Variants in ENTHD1 observed in about 807,000 individuals in gnomAD.
ENTHD1 encodes the protein ENTH domain-containing protein 1.
In ENTHD1, 23 loss-of-function variants were observed where a neutral mutation model predicts 39.1. The ratio of observed to expected loss-of-function variants is 0.59; its 90% CI spans 0.42 to 0.83. The LOEUF is 0.83. Among genes scored for constraint, ENTHD1 ranks in the 40% least tolerant of loss-of-function variants. The pLI is 0.00. For missense variants in ENTHD1, 624 were observed against 705.4 expected, an observed-to-expected ratio of 0.88 and a Z score of 1.31; for synonymous variants, 230 against 258.2, an observed-to-expected ratio of 0.89 and a Z score of 1.05.
At chr22:39,774,988 T>A (rs866772237) in intron 5 of ENTHD1, among the ~76,000 whole-genome samples, 122 of 152,212 alleles carry the variant, frequency 8.0e-4, no homozygotes, top group African/African-American at 2.9e-3. Context: ...CAAAAATGGT[T>A]TCATTCTTCA....
At chr22:39,875,676 C>T (rs1195857949) in intron 2 of ENTHD1, 37 of 1,611,908 alleles carry the variant, frequency 2.3e-5, no homozygotes, top group African/African-American at 6.7e-5. Flanking sequence ...GCATATGCTG[C>T]CAAGAATGCC....
intron 3 of ENTHD1, among the ~76,000 whole-genome samples, chr22:39,840,080 CA>C (rs1289958011): frequency 2.0e-5 from 3 of 152,184 alleles, no homozygotes; most frequent in Non-Finnish European, 4.4e-5. Flanking sequence ...TGGATTTTCA[CA>C]AGCAAGTAGG....
At chr22:39,881,774 A>C (rs1347779809) in intron 2 of ENTHD1, among the ~76,000 whole-genome samples, 1 of 152,200 alleles carries the variant, frequency 6.6e-6, no homozygotes, top group Non-Finnish European at 1.5e-5. Flanking sequence ...CTGCTTTTTT[A>C]TAACTAGGGT....
chr22:39,883,081 T>C (rs2066352953), intron 2 of ENTHD1, among the ~76,000 whole-genome samples: 1 of 151,278 alleles, frequency 6.6e-6, no homozygotes, highest in Non-Finnish European at 1.5e-5. Context: ...TATTTTCCCC[T>C]AATGGAATCT....
intron 3 of ENTHD1, among the ~76,000 whole-genome samples, chr22:39,841,804 G>A (rs191329555): frequency 2.0e-5 from 3 of 151,930 alleles, no homozygotes; most frequent in African/African-American, 4.8e-5. Flanking sequence ...TATTTTGCTC[G>A]TTAGTTGATG....
chr22:39,750,050 TAGAG>T (rs2146533031), intron 6 of ENTHD1: 1 of 164,110 alleles, frequency 6.1e-6, no homozygotes, highest in East Asian at 1.7e-4. Context: ...GGCCAGCTTT[TAGAG>T]AAAGGTACCA....
intron 5 of ENTHD1, among the ~76,000 whole-genome samples, chr22:39,797,459 C>A (rs759204212): frequency 1.2e-4 from 19 of 152,132 alleles, no homozygotes; most frequent in Non-Finnish European, 2.2e-4. Context: ...TTGTTTATCA[C>A]TGTAGTTGGG....
intron 2 of ENTHD1, chr22:39,875,700 T>C (rs2066283493): frequency 1.9e-6 from 3 of 1,612,570 alleles, no homozygotes; most frequent in Non-Finnish European, 2.5e-6. Context: ...ACCCAGTTCG[T>C]TTCCAGCATG....
chr22:39,885,962 C>T (rs1332940543), intron 2 of ENTHD1, among the ~76,000 whole-genome samples: 1 of 151,830 alleles, frequency 6.6e-6, no homozygotes, highest in East Asian at 1.9e-4. Flanking sequence ...GTTATAGTTA[C>T]AATTCTAAAA....
chr22:39,746,826 C>T (rs2065109432), intron 6 of ENTHD1, among the ~76,000 whole-genome samples: 1 of 152,174 alleles, frequency 6.6e-6, no homozygotes, highest in Non-Finnish European at 1.5e-5. Context: ...AGTGCCCACA[C>T]TTGTAACTCT....
chr22:39,774,885 C>T (rs62228532), intron 5 of ENTHD1, among the ~76,000 whole-genome samples: 29 of 152,246 alleles, frequency 1.9e-4, no homozygotes, highest in African/African-American at 6.0e-4. Context: ...AGATTCACGT[C>T]CCTTAAAAAA....
chr22:39,804,476 T>G (rs1387920207), intron 5 of ENTHD1, among the ~76,000 whole-genome samples: 33 of 150,536 alleles, frequency 2.2e-4, no homozygotes, highest in Admixed American at 2.1e-3. Flanking sequence ...AAAAAAAAAT[T>G]GATAATCCTG....
At chr22:39,768,439 C>T (rs1027165779) in intron 5 of ENTHD1, among the ~76,000 whole-genome samples, 30 of 152,198 alleles carry the variant, frequency 2.0e-4, no homozygotes, top group African/African-American at 7.2e-4. Flanking sequence ...CACTGATTCC[C>T]CATCCTGGAA....
At chr22:39,893,668 C>T (rs2066448230) in intron 1 of ENTHD1, 27 bp downstream of exon 1, 1 of 152,282 alleles carries the variant, frequency 6.6e-6, no homozygotes, top group African/African-American at 2.4e-5. Context: ...TTGAGCCCCA[C>T]CACCACTCCC....
At chr22:39,767,199 C>T (rs2065283979) in intron 5 of ENTHD1, among the ~76,000 whole-genome samples, 1 of 152,104 alleles carries the variant, frequency 6.6e-6, no homozygotes, top group African/African-American at 2.4e-5. Context: ...AAAGTAACGC[C>T]TTCATTTTTC....
At position 39,766,019 on chromosome 22, in the gene ENTHD1, CAAAAAAAAAAAAA is replaced by C. The variant is rs11367784; in HGVS notation, c.833-423_833-411del. ...TCTATCCTTACAGAACCCTCAGCTA[CAAAAAAAAAAAAA>C]AAAAAAAAAAAAAAAAAGAAAGAAA... On this transcript the variant is annotated intron_variant, in intron 5 of 6. Coordinates refer to ENST00000325157, the MANE Select transcript of ENTHD1 (RefSeq NM_152512.4). Among the ~76,000 whole-genome samples, 366 of 48,392 alleles carry C rather than the reference CAAAAAAAAAAAAA, an allele frequency of 7.6e-3. 1 individual carries two copies. The highest frequency in any genetic ancestry group is 0.023 in the African/African-American group (315 of 13,634). The allele number at this position is 48,392 out of a possible 152,430, so 31.7% of individuals were successfully genotyped here.
At chr22:39,839,050 T>G (rs1056637294) in intron 3 of ENTHD1, among the ~76,000 whole-genome samples, 3 of 152,180 alleles carry the variant, frequency 2.0e-5, no homozygotes, top group Admixed American at 1.3e-4. Flanking sequence ...TCTTTTCTTT[T>G]GTCCTTAATG....
intron 3 of ENTHD1, among the ~76,000 whole-genome samples, chr22:39,852,048 G>A (rs181518540): frequency 2.8e-4 from 43 of 152,074 alleles, no homozygotes; most frequent in Admixed American, 9.2e-4. Flanking sequence ...TTTTAAAAAT[G>A]CTGTCCAGGC....
intron 5 of ENTHD1, among the ~76,000 whole-genome samples, chr22:39,817,054 C>G (rs2065739582): frequency 6.6e-6 from 1 of 151,970 alleles, no homozygotes; most frequent in African/African-American, 2.4e-5. Flanking sequence ...TAGCTATATG[C>G]AAATTATACC....
Sources: allele counts gnomAD v4.1 joint callset (sites outside exome capture counted in the v4.1 genomes callset), GRCh38; gene constraint gnomAD v4.1.1; transcripts MANE v1.5; gene names NCBI Gene and HGNC (gene_info 2026-07-23, HGNC 2026-07-21).